Variants in RNGTT observed in about 807,000 individuals in gnomAD.
RNGTT encodes mRNA-capping enzyme.
Under a neutral mutation model 79.3 loss-of-function variants are expected in RNGTT, and 33 were observed. The observed-to-expected ratio is 0.42, with a 90% confidence interval of 0.32 to 0.56. RNGTT has a LOEUF of 0.56. Ranked by LOEUF, RNGTT falls within the 20% of genes least tolerant of loss-of-function variation. The pLI is 0.17. For missense variants in RNGTT, 497 were observed against 739.1 expected, an observed-to-expected ratio of 0.67 and a Z score of 3.80; for synonymous variants, 222 against 235.9, an observed-to-expected ratio of 0.94 and a Z score of 0.54.
At chr6:88,705,652 C>T (rs1776105314) in intron 13 of RNGTT, among the ~76,000 whole-genome samples, 1 of 152,114 alleles carries the variant, frequency 6.6e-6, no homozygotes, top group Admixed American at 6.5e-5. Context: ...TTTTTAAATG[C>T]TGTGGTATTA....
intron 4 of RNGTT, among the ~76,000 whole-genome samples, chr6:88,920,179 C>G (rs1222373026): frequency 6.6e-6 from 1 of 152,194 alleles, no homozygotes; most frequent in African/African-American, 2.4e-5. Context: ...AGTTGTTCCT[C>G]AGACTCCTCA....
chr6:88,615,506 G>A (rs1772184890), intron 14 of RNGTT, among the ~76,000 whole-genome samples: 1 of 152,152 alleles, frequency 6.6e-6, no homozygotes, highest in Non-Finnish European at 1.5e-5. Flanking sequence ...GCCCAAAAAA[G>A]TGATATTCCA....
intron 7 of RNGTT, 126 bp from the exon 8 acceptor site, chr6:88,890,722 C>G (rs750736077): frequency 3.4e-5 from 18 of 524,508 alleles, no homozygotes; most frequent in Non-Finnish European, 6.0e-5. Flanking sequence ...TTAATGTCAG[C>G]TGGAATAACA....
At chr6:88,827,320 C>T (rs149818681) in intron 11 of RNGTT, among the ~76,000 whole-genome samples, 1 of 152,088 alleles carries the variant, frequency 6.6e-6, no homozygotes, top group African/African-American at 2.4e-5. Flanking sequence ...CAAGGGAAGC[C>T]ATGACGGACT....
chr6:88,900,703 C>T (rs1783421640), intron 6 of RNGTT, among the ~76,000 whole-genome samples: 1 of 149,298 alleles, frequency 6.7e-6, no homozygotes, highest in Non-Finnish European at 1.5e-5. Context: ...CACTGCACTC[C>T]AGCTTGGGCC....
intron 14 of RNGTT, among the ~76,000 whole-genome samples, chr6:88,647,681 T>C (rs868242069): frequency 2.7e-5 from 3 of 109,314 alleles, no homozygotes; most frequent in Middle Eastern, 0.011. Context: ...CCAGCCTGGG[T>C]GACAGAACCG....
intron 8 of RNGTT, among the ~76,000 whole-genome samples, chr6:88,874,914 T>C (rs1311207417): frequency 1.3e-5 from 2 of 152,116 alleles, no homozygotes; most frequent in Admixed American, 1.3e-4. Flanking sequence ...TGCTCTTTAT[T>C]AGCTCTTTAG....
rs9451095 is a variant in RNGTT at position 88,851,182 on chromosome 6, T to A, written c.1033-1356A>T. ...ATGTAAATTGTATCTCAATTTTTTT[T>A]AAAAAAAGAACTAAATTTAAAAAAA... On this transcript the variant is annotated intron_variant, in intron 9 of 15. Transcript: ENST00000369485. Among the ~76,000 whole-genome samples, 1,293 of 150,152 alleles carry A rather than the reference T, an allele frequency of 8.6e-3. 8 individuals carry two copies. The highest frequency in any genetic ancestry group is 0.027 in the African/African-American group (1,091 of 40,858).
intron 14 of RNGTT, among the ~76,000 whole-genome samples, chr6:88,629,686 A>G (rs1461474402): frequency 6.6e-6 from 1 of 152,180 alleles, no homozygotes; most frequent in Non-Finnish European, 1.5e-5. Flanking sequence ...GCAAGTTTTC[A>G]GAGGATCTAT....
intron 6 of RNGTT, among the ~76,000 whole-genome samples, chr6:88,897,033 A>G (rs1257363068): frequency 1.3e-5 from 2 of 152,078 alleles, no homozygotes; most frequent in Non-Finnish European, 2.9e-5. Context: ...ACAGCATTCT[A>G]AAACTAACAT....
chr6:88,918,313 A>G (rs1784062298), intron 4 of RNGTT, among the ~76,000 whole-genome samples: 1 of 152,178 alleles, frequency 6.6e-6, no homozygotes, highest in Admixed American at 6.5e-5. Flanking sequence ...ACTGAGTGAG[A>G]CACAGTCTTA....
chr6:88,631,348 T>C (rs1475339001), intron 14 of RNGTT, among the ~76,000 whole-genome samples: 2 of 152,156 alleles, frequency 1.3e-5, no homozygotes, highest in African/African-American at 2.4e-5. Flanking sequence ...TATGGCTGGA[T>C]TGTCTTTTTA....
At chr6:88,906,893 C>G (rs977278704) in intron 4 of RNGTT, among the ~76,000 whole-genome samples, 1 of 152,018 alleles carries the variant, frequency 6.6e-6, no homozygotes, top group Non-Finnish European at 1.5e-5. Context: ...ATCCTATTTT[C>G]TAAAATCCAG....
intron 11 of RNGTT, among the ~76,000 whole-genome samples, chr6:88,806,857 G>C (rs1779972596): frequency 6.6e-6 from 1 of 152,124 alleles, no homozygotes; most frequent in African/African-American, 2.4e-5. Flanking sequence ...GCCCATCAAT[G>C]ATAGACTGAA....
At chr6:88,749,806 A>C (rs1777782978) in intron 13 of RNGTT, among the ~76,000 whole-genome samples, 1 of 152,206 alleles carries the variant, frequency 6.6e-6, no homozygotes, top group South Asian at 2.1e-4. Flanking sequence ...AAAATTTATT[A>C]TGTCACAGTT....
intron 12 of RNGTT, among the ~76,000 whole-genome samples, chr6:88,773,200 C>G (rs200967995): frequency 1.5e-3 from 212 of 144,110 alleles, no homozygotes; most frequent in East Asian, 3.0e-3. Flanking sequence ...AATCATCATT[C>G]TCAGTAAACT....
chr6:88,651,162 G>A (rs757201399), intron 14 of RNGTT, among the ~76,000 whole-genome samples: 34 of 151,776 alleles, frequency 2.2e-4, no homozygotes, highest in Non-Finnish European at 4.0e-4. Flanking sequence ...GGTCTTTGTT[G>A]TTAAAACCAC....
At chr6:88,930,058 GTATATGCATATGTATACATATACATA>G (rs1386741860) in intron 2 of RNGTT, among the ~76,000 whole-genome samples, 1 of 145,978 alleles carries the variant, frequency 6.9e-6, no homozygotes, top group East Asian at 2.0e-4. Flanking sequence ...ACATATACAT[GTATATGCATATGTATACATATACATA>G]TATACATATA....
At position 88,645,404 on chromosome 6, in the gene RNGTT, A is replaced by G. The variant is rs565732967; in HGVS notation, c.1507-31009T>C. On this transcript the variant is annotated intron_variant, in intron 14 of 15. Coordinates refer to ENST00000369485, the MANE Select transcript of RNGTT (RefSeq NM_003800.5). ...CCATGCTCATGGGTAGGAAGAATCA[A>G]TATCGTGAAAATGGCCATACTGCCC... 7.4e-4 allele frequency among the ~76,000 whole-genome samples: 113 copies of G among 152,346 alleles called. 1 individual carries two copies. The highest frequency in any genetic ancestry group is 3.3e-3 in the Admixed American group (50 of 15,300).
Sources: gnomAD v4.1 joint callset for allele counts (sites outside exome capture counted in the v4.1 genomes callset) on GRCh38, gnomAD v4.1.1 for gene constraint, MANE v1.5 for transcripts, NCBI Gene and HGNC (gene_info 2026-07-23, HGNC 2026-07-21) for gene names.